Variants in PITPNM1 observed in about 807,000 individuals in gnomAD.
PITPNM1 encodes phosphatidylinositol transfer protein membrane associated 1, also known as membrane-associated phosphatidylinositol transfer protein 1.
Under a neutral mutation model 133.3 loss-of-function variants are expected in PITPNM1, and 74 were observed. The observed-to-expected ratio is 0.56, with a 90% CI of 0.46 to 0.67. The LOEUF is 0.67. Ranked by LOEUF, PITPNM1 falls within the 30% of genes least tolerant of loss-of-function variation. PITPNM1 has a pLI of 0.00. For missense variants in PITPNM1, 1,398 were observed against 1,739.5 expected, an observed-to-expected ratio of 0.80 and a Z score of 3.49; for synonymous variants, 738 against 741.4, an observed-to-expected ratio of 1.00 and a Z score of 0.08.
intron 18 of PITPNM1, 90 bp downstream of exon 18, chr11:67,494,756 G>A: frequency 2.6e-6 from 2 of 771,834 alleles, no homozygotes; most frequent in Non-Finnish European, 4.4e-6. Flanking sequence ...AGGACCCGAG[G>A]AGGGGGGTGC....
chr11:67,496,439 T>C (rs1354640741), intron 14 of PITPNM1, 91 bp from the exon 15 acceptor site: 1 of 1,216,258 alleles, frequency 8.2e-7, no homozygotes, highest in Non-Finnish European at 1.1e-6. Context: ...CACCCTGATG[T>C]CTGGTGTGAC....
At chr11:67,501,032 G>A (rs1394862933) in intron 5 of PITPNM1, among the ~76,000 whole-genome samples, 3 of 152,210 alleles carry the variant, frequency 2.0e-5, no homozygotes, top group Admixed American at 1.3e-4. Context: ...CCAAATGCAA[G>A]ACAAGGCGTC....
In PITPNM1 at chr11:67,504,211, C is replaced by T; in HGVS notation, c.-31G>A. 1 of 1,545,698 alleles carries T rather than the reference C, an allele frequency of 6.5e-7. No individual in the cohort carries two copies. On this transcript the variant is annotated 5_prime_UTR_variant, in exon 2 of 24. Transcript: ENST00000356404. The surrounding 1 kb of genome is among the most constrained non-coding windows in gnomAD (Gnocchi z 5.4). ...AGGCGCTCGGCGGGCCGCGCGCGGC[C>T]TCCGCTCCTCCTGGCGCAGGGCACG...
chr11:67,494,128 C>G (rs534690726), intron 19 of PITPNM1, 58 bp from the exon 20 acceptor site: 2 of 1,363,910 alleles, frequency 1.5e-6, no homozygotes, highest in East Asian at 2.6e-5. Context: ...TGGGCAGAGG[C>G]GGGGCTGTCG....
rs759735394 is a variant in PITPNM1, at chr11:67,495,561, G to A, written c.2359C>T (p.Leu787=). ...GGTGTTGAGGGCACCAGCATCTCCAGCTCCTCCAGAAAGAGGCTGGAGTGC... is the reference window on the plus strand; with the variant it reads ...GGTGTTGAGGGCACCAGCATCTCCAACTCCTCCAGAAAGAGGCTGGAGTGC... The part of the protein sequence containing the change: ...QTHSSLFLEE[L]EMLVPSTPTS... Residue 787 remains leucine (L), a synonymous_variant, in exon 16 of 24, where the codon CTG becomes TTG. Coordinates refer to ENST00000356404, the MANE Select transcript of PITPNM1 (RefSeq NM_004910.3). The A allele has an allele frequency of 1.3e-5, 20 of 1,587,208 alleles. No individual in the cohort carries two copies. In the African/African-American group the frequency reaches 2.3e-4, roughly 18 times the overall value.
intron 22 of PITPNM1, 33 bp downstream of exon 22, chr11:67,493,377 G>A (rs1315686481): frequency 6.5e-7 from 1 of 1,530,270 alleles, no homozygotes; most frequent in Non-Finnish European, 8.8e-7. Context: ...CGGGGGCGGG[G>A]TCAGGACCCG....
At position 67,491,920 on chromosome 11, in the gene PITPNM1, G is replaced by A. The variant is rs1287980762; in HGVS notation, c.*113C>T. ...AGCACACGGAGATATAGGGTGTGGG[G>A]CTGGGGGGGCCAGCGCTGGGGCCAA... On this transcript the variant is annotated 3_prime_UTR_variant, in exon 24 of 24. Transcript: ENST00000356404. 3.7e-5 allele frequency: 44 copies of A among 1,200,800 alleles called. No homozygotes were observed. The highest frequency in any genetic ancestry group is 4.7e-5 in the Non-Finnish European group (40 of 857,390). 74.4% of individuals were successfully genotyped at this position (1,200,800 alleles called of 1,614,324 possible).
Position 67,495,211 on chromosome 11 carries a change from A to C in PITPNM1, c.2497T>G (p.Trp833Gly). The C allele has an allele frequency of 1.2e-6, 2 of 1,602,800 alleles. No homozygotes were observed. The highest frequency in any genetic ancestry group is 1.7e-6 in the Non-Finnish European group (2 of 1,174,262). ...SEVVKILERW[W>G]GTKRIDYSLY... The stretch of plus-strand genomic sequence containing the variant: ...GAGTAGTCGATCCGCTTGGTCCCCC[A>C]CCAGCGCTCCAGGACTGCGCGGCCA... Residue 833 changes from tryptophan (W) to glycine (G), a missense_variant, in exon 17 of 24, where the codon TGG (tryptophan) becomes GGG (glycine). Around this residue, in one of 5 missense-constraint regions of PITPNM1, gnomAD observed 574 missense variants for 698.7 expected, o/e 0.82. Coordinates refer to ENST00000356404, the MANE Select transcript of PITPNM1 (RefSeq NM_004910.3).
In PITPNM1 at chr11:67,493,447, C is replaced by A; in HGVS notation, c.3305G>T (p.Arg1102Leu). The change falls in exon 22 of 24, where the codon CGC becomes CTC. Residue 1102 changes from arginine to leucine, a missense_variant. Transcript: ENST00000356404. ...GCTCTGCAGAAACATTGCCTTCTGG[C>A]GTAGTGGGTCGTGGGTGAGGCCGTC... The part of the protein sequence containing the change: ...FCDGLTHDPL[R>L]QKAMFLQSLV... 6.2e-7 allele frequency: 1 copy of A among 1,603,074 alleles called. No homozygotes were observed. The highest frequency in any genetic ancestry group is 8.5e-7 in the Non-Finnish European group (1 of 1,174,250).
rs61757723 is a variant in PITPNM1 at position 67,502,320 on chromosome 11, G to A, written c.387C>T (p.Ser129=). The A allele has an allele frequency of 4.3e-6, 7 of 1,613,462 alleles. No individual in the cohort carries two copies. Among genetic ancestry groups the A allele is most frequent in the East Asian group, 4.5e-5 (2 of 44,884 alleles). The part of the protein sequence containing the change: ...GGQQPNVFNL[S]GAERRQRILD... ...GGATGCGCTGTCTCCTCTCGGCCCC[G>A]CTCAGGTTGAAGACGTTTGGCTGCT... is the stretch of plus-strand genomic sequence containing the variant. The change falls in exon 4 of 24, where the codon AGC becomes AGT. Residue 129 remains serine (S), a synonymous_variant. Coordinates refer to ENST00000356404, the MANE Select transcript of PITPNM1 (RefSeq NM_004910.3). The surrounding 1 kb of genome is among the most constrained non-coding windows in gnomAD (Gnocchi z 5.9).
rs559471785 is a variant in PITPNM1, at chr11:67,492,956, C to T, written c.3449G>A (p.Arg1150Gln). ...SQTYIVGRAVRKLQAQCQFLS... is the reference protein window; with the variant it reads ...SQTYIVGRAVQKLQAQCQFLS... ...CACCTGGCACTGCGCCTGTAGCTTCCGCACGGCACGGCCCACGATGTAGGT... is the reference window on the plus strand; with the variant it reads ...CACCTGGCACTGCGCCTGTAGCTTCTGCACGGCACGGCCCACGATGTAGGT... The change falls in exon 23 of 24, where the codon CGG (arginine) becomes CAG (glutamine). Residue 1150 changes from arginine to glutamine, a missense_variant. Transcript: ENST00000356404. 6.2e-7 allele frequency: 1 copy of T among 1,612,872 alleles called. No homozygotes were observed. Among genetic ancestry groups the T allele is most frequent in the Non-Finnish European group, 8.5e-7 (1 of 1,179,866 alleles).
In PITPNM1 at chr11:67,500,421, C is replaced by T; in HGVS notation, c.641G>A (p.Gly214Asp). The T allele has an allele frequency of 6.2e-7, 1 of 1,605,798 alleles. No individual in the cohort carries two copies. Among genetic ancestry groups the T allele is most frequent in the Non-Finnish European group, 8.5e-7 (1 of 1,177,586 alleles). ...GGCCCGCAGCATCACCCGACGCAGA[C>T]CTGCAGGTGCCCAGGCGTCAGAACT... ...AKIEQFIHDV[G>D]LRRVMLRAHR... The change falls in exon 6 of 24, where the codon GGT becomes GAT. Residue 214 changes from glycine (G) to aspartate (D), a missense_variant and splice_region_variant. Transcript: ENST00000356404.
Position 67,492,234 on chromosome 11 carries a change from G to A in PITPNM1, c.3534C>T (p.Ala1178=). 1 of 1,602,268 alleles carries A rather than the reference G, an allele frequency of 6.2e-7. No homozygotes were observed. Among genetic ancestry groups the A allele is most frequent in the Non-Finnish European group, 8.5e-7 (1 of 1,174,314 alleles). Residue 1178 remains alanine, a synonymous_variant, in exon 24 of 24, where the codon GCC becomes GCT. Coordinates refer to ENST00000356404, the MANE Select transcript of PITPNM1 (RefSeq NM_004910.3). ...AGGCAGCTCTCGGGGGTCCCGAGGA[G>A]GCATGCGAGTGCGAGCCCGCTTCCA... ...GQLEAGSHSH[A]SSGPPRAALG...
Position 67,498,373 on chromosome 11 carries a change from G to A in PITPNM1, c.1485-51C>T. On this transcript the variant is annotated intron_variant, in intron 10 of 23. Coordinates refer to ENST00000356404, the MANE Select transcript of PITPNM1 (RefSeq NM_004910.3). The surrounding 1 kb of genome is among the most constrained non-coding windows in gnomAD (Gnocchi z 5.7). ...GTGAGGGGCTTCCAGACCCACTCCT[G>A]CCATCCAAGTCCCCTGGGCCTGCTG... 7 of 1,472,264 alleles carry A rather than the reference G, an allele frequency of 4.8e-6. No individual in the cohort carries two copies. The highest frequency in any genetic ancestry group is 6.3e-6 in the Non-Finnish European group (7 of 1,108,456). 91.2% of individuals were successfully genotyped at this position (1,472,264 alleles called of 1,614,324 possible). A position where few individuals can be genotyped will look rare whatever the true frequency, so the allele number is the denominator to read the frequency against.
chr11:67,493,741 G>C lies in PITPNM1; in HGVS notation c.3105C>G (p.Val1035=). The change falls in exon 21 of 24, where the codon GTC becomes GTG. Residue 1035 remains valine (V), a synonymous_variant. Transcript: ENST00000356404. The stretch of plus-strand genomic sequence containing the variant: ...CCTTGGGGTCGCTGCCCATGATGGA[G>C]ACGCTGGCGGTGAAGGAGCCGTCGA... ...FSIDGSFTAS[V]SIMGSDPKVR... is the part of the protein sequence containing the mutation. The C allele has an allele frequency of 6.5e-7, 1 of 1,548,416 alleles. No homozygotes were observed. Among genetic ancestry groups the C allele is most frequent in the Non-Finnish European group, 8.7e-7 (1 of 1,147,222 alleles).
Position 67,505,225 on chromosome 11 carries a change from C to T in PITPNM1, c.-79G>A, listed in dbSNP as rs1348855184. The T allele has an allele frequency of 1.3e-5, 2 of 152,062 alleles. No homozygotes were observed. Among genetic ancestry groups the T allele is most frequent in the East Asian group, 1.9e-4 (1 of 5,176 alleles). 9.4% of individuals were successfully genotyped at this position (152,062 alleles called of 1,614,324 possible). A position where few individuals can be genotyped will look rare whatever the true frequency, so the allele number is the denominator to read the frequency against. On this transcript the variant is annotated 5_prime_UTR_variant, in exon 1 of 24. Transcript: ENST00000356404. The surrounding 1 kb of genome is among the most constrained non-coding windows in gnomAD (Gnocchi z 5.8). ...GCGGGCGCCCCTCACCCAGCCCGGG[C>T]AGGGCCGGCCGGCCCGTGGGTCGGA...
In PITPNM1 at chr11:67,500,249, G is replaced by A. The variant is rs150292607; in HGVS notation, c.813C>T (p.Pro271=). The stretch of plus-strand genomic sequence containing the variant: ...ACCGGGCCTCGGTGCTCGGTTTCCC[G>A]GGGGGCTGGGCCTCGGACCCCTCAC... ...TGSEGSEAQP[P]GKPSTEARSA... Residue 271 remains proline (P), a synonymous_variant, in exon 6 of 24, where the codon CCC becomes CCT. Transcript: ENST00000356404. The A allele has an allele frequency of 6.7e-5, 108 of 1,606,212 alleles. No homozygotes were observed. The highest frequency in any genetic ancestry group is 8.9e-5 in the East Asian group (4 of 44,880).
chr11:67,503,054 G>A (rs1866386344), intron 2 of PITPNM1, among the ~76,000 whole-genome samples: 1 of 152,238 alleles, frequency 6.6e-6, no homozygotes, highest in African/African-American at 2.4e-5. Flanking sequence ...TCTAGTGGAA[G>A]GAGACAGACA....
intron 5 of PITPNM1, among the ~76,000 whole-genome samples, chr11:67,501,416 G>T (rs1462457470): frequency 1.3e-5 from 2 of 152,178 alleles, no homozygotes; most frequent in Non-Finnish European, 2.9e-5. Context: ...GGGGAGGTGT[G>T]GGACTGGGGC....
Sources: allele counts gnomAD v4.1 joint callset (sites outside exome capture counted in the v4.1 genomes callset), GRCh38; gene constraint gnomAD v4.1.1; regional missense constraint gnomAD v4.1.1; non-coding constraint Gnocchi (gnomAD v3.1); transcripts MANE v1.5; gene names NCBI Gene and HGNC (gene_info 2026-07-23, HGNC 2026-07-21).